The following NR2C2 variants were observed in gnomAD, a reference collection of about 807,000 sequenced individuals.
The protein encoded by NR2C2 is nuclear receptor subfamily 2 group C member 2.
NR2C2 carries 6 observed loss-of-function variants against 62.9 expected under a neutral mutation model. The observed-to-expected ratio is 0.10, with a 90% CI of 0.05 to 0.19. The LOEUF (loss-of-function observed/expected upper bound fraction) is 0.19, where lower values mean the gene tolerates loss of function less well. Ranked by LOEUF, NR2C2 falls within the 10% of genes least tolerant of loss-of-function variation. The pLI, the probability that NR2C2 is intolerant of heterozygous loss-of-function variation, is 1.00. For synonymous variants in NR2C2, 272 were observed against 273.8 expected, an observed-to-expected ratio of 0.99 and a Z score of 0.07; for missense variants, 479 against 762.7, an observed-to-expected ratio of 0.63 and a Z score of 4.38.
intron 5 of NR2C2, among the ~76,000 whole-genome samples, chr3:15,022,716 A>G (rs937645071): frequency 4.6e-5 from 7 of 151,990 alleles, no homozygotes; most frequent in Non-Finnish European, 1.5e-5. Context: ...GAAAGAGTCT[A>G]TTTTGTTAGC....
At chr3:14,950,911 G>A (rs749930774) in intron 1 of NR2C2, among the ~76,000 whole-genome samples, 8 of 152,146 alleles carry the variant, frequency 5.3e-5, no homozygotes, top group Admixed American at 1.3e-4. Context: ...AGCCTGTTAC[G>A]GTATTTGGTT....
chr3:14,987,658 C>T (rs2040548438), intron 1 of NR2C2, among the ~76,000 whole-genome samples: 1 of 152,156 alleles, frequency 6.6e-6, no homozygotes, highest in Admixed American at 6.5e-5. Flanking sequence ...TATCTACAAA[C>T]ATATATACTT....
intron 1 of NR2C2, among the ~76,000 whole-genome samples, chr3:14,975,445 G>A (rs1243180579): frequency 6.6e-6 from 1 of 152,172 alleles, no homozygotes; most frequent in East Asian, 1.9e-4. Context: ...ATTTTGTCAA[G>A]TGCTTTTTTC....
chr3:14,961,696 ATCTTTAGGTGATCAC>A (rs1238482080), intron 1 of NR2C2, among the ~76,000 whole-genome samples: 1 of 152,194 alleles, frequency 6.6e-6, no homozygotes, highest in African/African-American at 2.4e-5. Context: ...ACACTCTTTG[ATCTTTAGGTGATCAC>A]TCTTTAGGTG....
intron 8 of NR2C2, among the ~76,000 whole-genome samples, chr3:15,029,791 T>TG (rs2041918350): frequency 1.8e-5 from 2 of 108,148 alleles, no homozygotes; most frequent in South Asian, 2.9e-4. Context: ...AGTAAATAAA[T>TG]AATAGATAGA....
At position 15,040,496 on chromosome 3, in the gene NR2C2, G is replaced by A. The variant is rs377439074; in HGVS notation, c.1616+1269G>A. ...TCCAGGAGCCCCATGGAACACAGATGCCCCTGGGGGCTACCCCTTCTGGCC... is the reference window on the plus strand; with the variant it reads ...TCCAGGAGCCCCATGGAACACAGATACCCCTGGGGGCTACCCCTTCTGGCC... On this transcript the variant is annotated intron_variant, in intron 13 of 13. Coordinates refer to ENST00000425241, the MANE Select transcript of NR2C2 (RefSeq NM_001291694.2). 4.6e-5 allele frequency among the ~76,000 whole-genome samples: 7 copies of A among 152,328 alleles called. No homozygotes were observed. The East Asian group carries it at 1.3e-3, about 29-fold the overall frequency.
At chr3:15,001,435 A>G (rs936222670) in intron 1 of NR2C2, among the ~76,000 whole-genome samples, 2 of 149,722 alleles carry the variant, frequency 1.3e-5, no homozygotes, top group African/African-American at 4.9e-5. Flanking sequence ...CCTGGGTTCA[A>G]GCAATTCTCC....
intron 1 of NR2C2, among the ~76,000 whole-genome samples, chr3:14,984,671 T>A (rs182414672): frequency 6.6e-6 from 1 of 152,370 alleles, no homozygotes; most frequent in South Asian, 2.1e-4. Context: ...TGTATAGATA[T>A]GCTTAATCCA....
chr3:15,027,649 C>A (rs2041861157), intron 7 of NR2C2, among the ~76,000 whole-genome samples: 1 of 152,080 alleles, frequency 6.6e-6, no homozygotes, highest in African/African-American at 2.4e-5. Flanking sequence ...ATAGGCTGGA[C>A]TGCAGTGGCA....
At position 15,043,100 on chromosome 3, in the gene NR2C2, T is replaced by G; in HGVS notation, c.*92T>G. 1 of 1,221,784 alleles carries G rather than the reference T, an allele frequency of 8.2e-7. No individual in the cohort carries two copies. The highest frequency in any genetic ancestry group is 2.9e-5 in the Admixed American group (1 of 34,864). 75.7% of individuals were successfully genotyped at this position (1,221,784 alleles called of 1,614,324 possible). A position where few individuals can be genotyped will look rare whatever the true frequency, so the allele number is the denominator to read the frequency against. On this transcript the variant is annotated 3_prime_UTR_variant, in exon 14 of 14. Coordinates refer to ENST00000425241, the MANE Select transcript of NR2C2 (RefSeq NM_001291694.2). ...AGTGGTATTTTGGTATGTGCAAATA[T>G]TTCCATATGTTAGCCATTTCCTGTC...
In NR2C2 at chr3:15,028,673, A is replaced by C. The variant is rs758903372; in HGVS notation, c.886A>C (p.Thr296Pro). 5 of 1,614,076 alleles carry C rather than the reference A, an allele frequency of 3.1e-6. No homozygotes were observed. Among genetic ancestry groups the C allele is most frequent in the Non-Finnish European group, 4.2e-6 (5 of 1,180,028 alleles). ...NLSESLNNGD[T>P]SEIQPEDQSA... ...AAGTGAATCTTTGAACAACGGTGAC[A>C]CTTCAGAAATCCAGCCAGAGGACCA... The change falls in exon 8 of 14, where the codon ACT becomes CCT. Residue 296 changes from threonine to proline, a missense_variant. Physicochemically the swap from Thr to Pro is conservative, Grantham distance 38. This residue lies in a region of NR2C2 where 151 missense variants were observed against 176.1 expected (regional missense o/e 0.86). Transcript: ENST00000425241.
chr3:14,981,091 T>A (rs1177637273), intron 1 of NR2C2, among the ~76,000 whole-genome samples: 1 of 152,242 alleles, frequency 6.6e-6, no homozygotes, highest in African/African-American at 2.4e-5. Flanking sequence ...TTGCAACAGA[T>A]CATACCATAG....
At chr3:15,016,124 C>A (rs376977582) in intron 3 of NR2C2, 28 bp from the exon 4 acceptor site, 62 of 1,556,038 alleles carry the variant, frequency 4.0e-5, no homozygotes, top group Non-Finnish European at 5.4e-5. Flanking sequence ...TTAATTGGCA[C>A]CCCTGTTCGT....
intron 9 of NR2C2, 92 bp downstream of exon 9, chr3:15,030,544 G>C (rs2041954954): frequency 7.5e-7 from 1 of 1,336,802 alleles, no homozygotes; most frequent in African/African-American, 1.5e-5. Flanking sequence ...ATCAAACCTT[G>C]GGGCCAGGCA....
At chr3:15,036,435 T>C (rs994485895) in intron 11 of NR2C2, among the ~76,000 whole-genome samples, 1 of 151,748 alleles carries the variant, frequency 6.6e-6, no homozygotes, top group Non-Finnish European at 1.5e-5. Context: ...ATGCCCAGGA[T>C]TCGAAGTAAC....
chr3:15,019,134 A>T (rs932335767), intron 4 of NR2C2, among the ~76,000 whole-genome samples: 3 of 151,606 alleles, frequency 2.0e-5, no homozygotes, highest in Non-Finnish European at 4.4e-5. Flanking sequence ...GCTGAGGCAC[A>T]AGAATCACTT....
At chr3:14,994,075 A>G (rs55721046) in intron 1 of NR2C2, among the ~76,000 whole-genome samples, 11,252 of 152,314 alleles carry the variant, frequency 0.074, 475 homozygotes, top group Middle Eastern at 0.12. Flanking sequence ...CCGGTAAAGC[A>G]TAGACCACTG....
intron 1 of NR2C2, chr3:14,959,249 A>G (rs1303211332): frequency 6.6e-6 from 1 of 152,160 alleles, no homozygotes; most frequent in Non-Finnish European, 1.5e-5. Flanking sequence ...CATTTTGGTT[A>G]AATGTCCACG....
rs373443421 is a variant in NR2C2, at chr3:15,046,655, TA to T, written c.*3650del. 7 of 152,334 alleles carry T rather than the reference TA, an allele frequency of 4.6e-5. No individual in the cohort carries two copies. The highest frequency in any genetic ancestry group is 1.7e-4 in the African/African-American group (7 of 41,460). 9.4% of individuals were successfully genotyped at this position (152,334 alleles called of 1,614,324 possible). On this transcript the variant is annotated 3_prime_UTR_variant, in exon 14 of 14. Transcript: ENST00000425241. ...GAAGCTTGTTGCCCACTTTCCAGTGTAAATGACTTTATGTGCAATGGGGTCA... is the reference window on the plus strand; with the variant it reads ...GAAGCTTGTTGCCCACTTTCCAGTGTAATGACTTTATGTGCAATGGGGTCA...
Sources: allele counts gnomAD v4.1 joint callset (sites outside exome capture counted in the v4.1 genomes callset), GRCh38; gene constraint gnomAD v4.1.1; regional missense constraint gnomAD v4.1.1; transcripts MANE v1.5; gene names NCBI Gene and HGNC (gene_info 2026-07-23, HGNC 2026-07-21).